The following PUM3 variants were observed in gnomAD, a reference collection of about 807,000 sequenced individuals.
PUM3 encodes pumilio homolog 3.
PUM3 carries 91 observed loss-of-function variants against 84.0 expected under a neutral mutation model. The observed-to-expected ratio is 1.08, with a 90% CI of 0.91 to 1.29. PUM3 has a LOEUF of 1.29. PUM3 is among the 50% of genes most tolerant of loss of function. The pLI, the probability that PUM3 is intolerant of heterozygous loss-of-function variation, is 0.00. For missense variants in PUM3, 1,067 were observed against 767.5 expected (o/e 1.39, Z -4.61); for synonymous variants, 321 against 266.7 (o/e 1.20, Z -1.98).
intron 3 of PUM3, among the ~76,000 whole-genome samples, chr9:2,835,991 G>A (rs1305489316): frequency 6.6e-6 from 1 of 152,116 alleles, no homozygotes; most frequent in African/African-American, 2.4e-5. Context: ...TTAGGAAAGA[G>A]AAAGTAGAAA....
At chr9:2,841,680 G>C (rs1026795035) in intron 1 of PUM3, among the ~76,000 whole-genome samples, 1 of 149,996 alleles carries the variant, frequency 6.7e-6, no homozygotes, top group African/African-American at 2.5e-5. Context: ...ATTCAAGTCA[G>C]TGTATTCTGC....
At chr9:2,839,564 C>G (rs1222861448) in intron 1 of PUM3, among the ~76,000 whole-genome samples, 1 of 152,174 alleles carries the variant, frequency 6.6e-6, no homozygotes, top group Non-Finnish European at 1.5e-5. Context: ...TTTCCAACTC[C>G]AGTTGAACCA....
At position 2,807,762 on chromosome 9, in the gene PUM3, T is replaced by C; in HGVS notation, c.1814+52A>G. 8.0e-6 allele frequency: 9 copies of C among 1,118,118 alleles called. No homozygotes were observed. In the South Asian group the frequency reaches 1.0e-4, roughly 12 times the overall value. 69.3% of individuals were successfully genotyped at this position (1,118,118 alleles called of 1,614,324 possible). ...CTGAGAAATCAACGTGAAGGAAGTGTGTCTTTTGCATGACCAGGCCCTGCT... is the reference window on the plus strand; with the variant it reads ...CTGAGAAATCAACGTGAAGGAAGTGCGTCTTTTGCATGACCAGGCCCTGCT... On this transcript the variant is annotated intron_variant, in intron 17 of 17. Transcript: ENST00000397885.
intron 12 of PUM3, among the ~76,000 whole-genome samples, chr9:2,822,900 C>G (rs970041682): frequency 2.0e-5 from 3 of 151,508 alleles, no homozygotes; most frequent in African/African-American, 4.8e-5. Flanking sequence ...TCTAGCCCAA[C>G]AGAAGACAAT....
rs77299680 is a variant in PUM3 at position 2,822,059 on chromosome 9, C to T, written c.1188+1722G>A. Reference sequence around the variant, plus strand: ...CTGGTTTCAGTTCTCTTAACTCGGACACACATAAGCATAACCAAGCATAAA... The same window carrying T: ...CTGGTTTCAGTTCTCTTAACTCGGATACACATAAGCATAACCAAGCATAAA... On this transcript the variant is annotated intron_variant, in intron 12 of 17. Transcript: ENST00000397885. Among the ~76,000 whole-genome samples, 38 of 152,182 alleles carry T rather than the reference C, an allele frequency of 2.5e-4. No homozygotes were observed. The East Asian group carries it at 7.3e-3, about 29-fold the overall frequency.
chr9:2,830,217 C>T (rs1411881276), intron 7 of PUM3, among the ~76,000 whole-genome samples: 1 of 151,628 alleles, frequency 6.6e-6, no homozygotes, highest in African/African-American at 2.4e-5. Flanking sequence ...TCTAAGATTC[C>T]TTTTGAAGAT....
At chr9:2,835,329 G>C (rs1816094912) in intron 3 of PUM3, among the ~76,000 whole-genome samples, 1 of 152,072 alleles carries the variant, frequency 6.6e-6, no homozygotes, top group African/African-American at 2.4e-5. Flanking sequence ...GAGGCAGGAG[G>C]ATCACTTGAG....
intron 15 of PUM3, among the ~76,000 whole-genome samples, 196 bp from the exon 16 acceptor site, chr9:2,810,627 C>A (rs971283515): frequency 2.0e-5 from 3 of 152,198 alleles, no homozygotes; most frequent in Admixed American, 1.3e-4. Flanking sequence ...GATCCCCAGA[C>A]TGAAAGACAG....
chr9:2,804,524 G>C (rs1007694077), intron 17 of PUM3, 61 bp from the exon 18 acceptor site: 1 of 1,475,416 alleles, frequency 6.8e-7, no homozygotes, highest in African/African-American at 1.4e-5. Flanking sequence ...AATACTACCT[G>C]TACCAACAGT....
Position 2,811,343 on chromosome 9 carries a change from GC to G in PUM3, c.1635+17del, listed in dbSNP as rs775710207. The G allele has an allele frequency of 1.9e-6, 3 of 1,611,028 alleles. No homozygotes were observed. The Admixed American group carries it at 5.0e-5, about 27-fold the overall frequency. On this transcript the variant is annotated intron_variant, in intron 15 of 17. Coordinates refer to ENST00000397885, the MANE Select transcript of PUM3 (RefSeq NM_014878.5). Reference sequence around the variant, plus strand: ...TGGCCTTTGCAGCTTTCCTGCCTGTGCTTTAATGGCACATTACCTCTCCGTC... The same window carrying G: ...TGGCCTTTGCAGCTTTCCTGCCTGTGTTTAATGGCACATTACCTCTCCGTC...
chr9:2,842,169 T>C (rs1206280932), intron 1 of PUM3, among the ~76,000 whole-genome samples: 1 of 152,210 alleles, frequency 6.6e-6, no homozygotes, highest in Non-Finnish European at 1.5e-5. Flanking sequence ...ACCTTCGTAA[T>C]GAATCATCAC....
At chr9:2,813,421 C>T (rs1563826800) in intron 13 of PUM3, among the ~76,000 whole-genome samples, 1 of 152,174 alleles carries the variant, frequency 6.6e-6, no homozygotes, top group Non-Finnish European at 1.5e-5. Context: ...CCATATTCTT[C>T]AGAACTGGCT....
intron 1 of PUM3, among the ~76,000 whole-genome samples, chr9:2,839,604 C>T (rs969241431): frequency 1.3e-5 from 2 of 152,196 alleles, no homozygotes; most frequent in African/African-American, 4.8e-5. Flanking sequence ...AAGGGAACAG[C>T]AGACTTCCAA....
At chr9:2,809,894 TC>T (rs1454006271) in intron 16 of PUM3, among the ~76,000 whole-genome samples, 1 of 152,148 alleles carries the variant, frequency 6.6e-6, no homozygotes, top group Non-Finnish European at 1.5e-5. Context: ...AGTCCAAAAC[TC>T]TCTTACGAGG....
chr9:2,814,744 G>A (rs943945054), intron 13 of PUM3, among the ~76,000 whole-genome samples: 11 of 152,170 alleles, frequency 7.2e-5, no homozygotes, highest in South Asian at 4.1e-4. Flanking sequence ...ACAAAATTTC[G>A]CTGCCCTTAA....
intron 14 of PUM3, 142 bp from the exon 15 acceptor site, chr9:2,811,725 G>C: frequency 1.6e-6 from 1 of 634,578 alleles, no homozygotes; most frequent in Non-Finnish European, 2.7e-6. Flanking sequence ...TAAGCATGTA[G>C]ACAATAAGTG....
intron 15 of PUM3, 46 bp downstream of exon 15, chr9:2,811,315 T>C (rs1821364914): frequency 6.3e-7 from 1 of 1,584,048 alleles, no homozygotes; most frequent in Middle Eastern, 2.1e-4. Flanking sequence ...AACGAAGTTT[T>C]TGTGGCCTTT....
At chr9:2,811,019 T>C (rs923268746) in intron 15 of PUM3, among the ~76,000 whole-genome samples, 1 of 152,200 alleles carries the variant, frequency 6.6e-6, no homozygotes, top group African/African-American at 2.4e-5. Flanking sequence ...CATTCATCTT[T>C]CCCATTTGTT....
chr9:2,818,034 A>C (rs935524797), intron 13 of PUM3, among the ~76,000 whole-genome samples: 1 of 152,222 alleles, frequency 6.6e-6, no homozygotes, highest in Non-Finnish European at 1.5e-5. Context: ...AGCTCAGCTG[A>C]CCAGGCTGTG....
Sources: allele counts gnomAD v4.1 joint callset (sites outside exome capture counted in the v4.1 genomes callset), GRCh38; gene constraint gnomAD v4.1.1; transcripts MANE v1.5; gene names NCBI Gene and HGNC (gene_info 2026-07-23, HGNC 2026-07-21).